NOS1AP: variants seen among roughly 807,000 people sequenced by gnomAD.
NOS1AP encodes the protein nitric oxide synthase 1 adaptor protein.
NOS1AP carries 21 observed loss-of-function variants against 56.2 expected under a neutral mutation model. That is an observed-to-expected ratio of 0.37 (90% CI 0.26 to 0.54). NOS1AP has a LOEUF of 0.54. Ranked by LOEUF, NOS1AP falls within the 20% of genes least tolerant of loss-of-function variation. The pLI, the probability that NOS1AP is intolerant of heterozygous loss-of-function variation, is 0.84. For synonymous variants in NOS1AP, 270 were observed against 274.6 expected (o/e 0.98, Z 0.17); for missense variants, 522 against 657.8 (o/e 0.79, Z 2.26).
intron 1 of NOS1AP, among the ~76,000 whole-genome samples, chr1:162,081,024 T>A (rs1472295001): frequency 2.0e-5 from 3 of 152,202 alleles, no homozygotes; most frequent in Non-Finnish European, 4.4e-5. Flanking sequence ...GTAGTGTGGC[T>A]CAGGGTGTCT....
intron 1 of NOS1AP, among the ~76,000 whole-genome samples, chr1:162,120,687 GC>G (rs199511855): frequency 3.3e-5 from 5 of 151,592 alleles, no homozygotes; most frequent in South Asian, 2.1e-4. Flanking sequence ...TGGGGGAACC[GC>G]CCCCCCCATG....
At chr1:162,199,102 G>A (rs1320056368) in intron 2 of NOS1AP, among the ~76,000 whole-genome samples, 2 of 152,184 alleles carry the variant, frequency 1.3e-5, no homozygotes, top group African/African-American at 2.4e-5. Context: ...TGGGGGTTAA[G>A]CCTTGCAATC....
chr1:162,304,980 A>G (rs956425792), intron 4 of NOS1AP, among the ~76,000 whole-genome samples: 2 of 152,172 alleles, frequency 1.3e-5, no homozygotes, highest in Non-Finnish European at 2.9e-5. Flanking sequence ...GAATACATAC[A>G]ATTGTTTGTG....
intron 2 of NOS1AP, among the ~76,000 whole-genome samples, chr1:162,221,520 GCACACACA>G (rs1295505482): frequency 3.0e-5 from 3 of 100,732 alleles, no homozygotes; most frequent in Non-Finnish European, 5.9e-5. Context: ...ACACACACAC[GCACACACA>G]CGCGCGCACA....
intron 2 of NOS1AP, among the ~76,000 whole-genome samples, chr1:162,155,468 G>T (rs1311227325): frequency 6.6e-6 from 1 of 150,590 alleles, no homozygotes; most frequent in East Asian, 2.0e-4. Context: ...GAGAGAGAGA[G>T]AGAGGTATCG....
chr1:162,224,675 A>G (rs1323256292), intron 2 of NOS1AP, among the ~76,000 whole-genome samples: 1 of 152,212 alleles, frequency 6.6e-6, no homozygotes, highest in African/African-American at 2.4e-5. Context: ...GACAGAGGAA[A>G]TGCTACAGAC....
intron 1 of NOS1AP, among the ~76,000 whole-genome samples, chr1:162,135,630 A>G (rs1352371424): frequency 1.3e-5 from 2 of 152,154 alleles, no homozygotes; most frequent in African/African-American, 4.8e-5. Flanking sequence ...TTGTAATACA[A>G]TTACTCTCAC....
intron 2 of NOS1AP, among the ~76,000 whole-genome samples, chr1:162,265,150 A>G (rs959156712): frequency 3.3e-5 from 5 of 151,386 alleles, no homozygotes; most frequent in Admixed American, 6.6e-5. Context: ...TTTAAATTCT[A>G]TGTGTCACTT....
At chr1:162,356,829 A>C in intron 7 of NOS1AP, 131 bp from the exon 8 acceptor site, 1 of 1,586,148 alleles carries the variant, frequency 6.3e-7, no homozygotes, top group Non-Finnish European at 8.6e-7. Context: ...TTTCCATTGA[A>C]GATATAGTGC....
At chr1:162,107,777 G>T (rs1647568779) in intron 1 of NOS1AP, among the ~76,000 whole-genome samples, 1 of 152,164 alleles carries the variant, frequency 6.6e-6, no homozygotes, top group Admixed American at 6.5e-5. Context: ...AAAACACAGG[G>T]ATTTGATTGT....
At chr1:162,174,109 C>A (rs528576945) in intron 2 of NOS1AP, among the ~76,000 whole-genome samples, 1 of 152,210 alleles carries the variant, frequency 6.6e-6, no homozygotes, top group East Asian at 1.9e-4. Flanking sequence ...TACATGCACA[C>A]GTATGTTTAT....
intron 2 of NOS1AP, among the ~76,000 whole-genome samples, chr1:162,204,719 A>G (rs537513248): frequency 6.6e-6 from 1 of 152,344 alleles, no homozygotes; most frequent in East Asian, 1.9e-4. Context: ...GTAGTTTTCA[A>G]AATGGAACGG....
intron 2 of NOS1AP, among the ~76,000 whole-genome samples, chr1:162,269,478 GT>G (rs1654519992): frequency 1.3e-5 from 2 of 152,152 alleles, no homozygotes; most frequent in Non-Finnish European, 2.9e-5. Context: ...TTAAAAACCA[GT>G]ACTTATTTTT....
At chr1:162,173,477 C>T (rs911725549) in intron 2 of NOS1AP, among the ~76,000 whole-genome samples, 3 of 152,138 alleles carry the variant, frequency 2.0e-5, no homozygotes, top group Non-Finnish European at 4.4e-5. Flanking sequence ...TAGAAGAAAA[C>T]CTAGGCAATA....
chr1:162,143,511 G>A (rs1347379284), intron 1 of NOS1AP, among the ~76,000 whole-genome samples: 2 of 152,140 alleles, frequency 1.3e-5, no homozygotes, highest in African/African-American at 4.8e-5. Flanking sequence ...TTGATTTGCA[G>A]TGGTGCAATC....
chr1:162,334,819 C>A lies in NOS1AP; in HGVS notation c.453+1694C>A, dbSNP rs562569615. Among the ~76,000 whole-genome samples, 8 of 152,074 alleles carry A rather than the reference C, an allele frequency of 5.3e-5. No individual in the cohort carries two copies. In the South Asian group the frequency reaches 1.7e-3, roughly 31 times the overall value. ...TGTAACTTTCACTTCCCAATTTTAC[C>A]GATGAATAAACTGAGGCTCAGAGAG... is the stretch of plus-strand genomic sequence containing the variant. On this transcript the variant is annotated intron_variant, in intron 5 of 9. Transcript: ENST00000361897.
chr1:162,251,344 A>G (rs1210835885), intron 2 of NOS1AP, among the ~76,000 whole-genome samples: 1 of 152,022 alleles, frequency 6.6e-6, no homozygotes, highest in East Asian at 1.9e-4. Flanking sequence ...TCCCCATGCC[A>G]TTCACTTGCC....
At chr1:162,358,971 G>T (rs981568446) in intron 8 of NOS1AP, among the ~76,000 whole-genome samples, 1 of 152,172 alleles carries the variant, frequency 6.6e-6, no homozygotes, top group Admixed American at 6.5e-5. Context: ...CTTATCACAG[G>T]TCTACTACAG....
intron 6 of NOS1AP, among the ~76,000 whole-genome samples, chr1:162,346,598 A>C (rs1436672454): frequency 6.6e-6 from 1 of 152,210 alleles, no homozygotes; most frequent in African/African-American, 2.4e-5. Flanking sequence ...AGTACACAAG[A>C]AACTGGTAAC....
Sources: allele counts gnomAD v4.1 joint callset (sites outside exome capture counted in the v4.1 genomes callset), GRCh38; gene constraint gnomAD v4.1.1; transcripts MANE v1.5; gene names NCBI Gene and HGNC (gene_info 2026-07-23, HGNC 2026-07-21).